The following NRXN3 variants were observed in gnomAD, a reference collection of about 807,000 sequenced individuals.
The protein encoded by NRXN3 is neurexin 3.
NRXN3 carries 32 observed loss-of-function variants against 137.6 expected under a neutral mutation model. That is an observed-to-expected ratio of 0.23 (90% CI 0.18 to 0.31). The LOEUF (loss-of-function observed/expected upper bound fraction) is 0.31. NRXN3 is among the 10% of genes least tolerant of loss of function. The probability of loss-of-function intolerance (pLI) is 1.00; values close to 1 mark genes in which losing one functional copy is unlikely to be tolerated. For missense variants in NRXN3, 1,574 were observed against 2,062.5 expected (o/e 0.76, Z 4.59); for synonymous variants, 798 against 784.5 (o/e 1.02, Z -0.29).
At chr14:78,541,224 C>T (rs2096586480) in intron 4 of NRXN3, among the ~76,000 whole-genome samples, 1 of 152,190 alleles carries the variant, frequency 6.6e-6, no homozygotes, top group South Asian at 2.1e-4. Flanking sequence ...AACATGGTTC[C>T]ATTCTCCCCA....
intron 4 of NRXN3, among the ~76,000 whole-genome samples, chr14:78,570,096 T>G (rs2096875902): frequency 6.6e-6 from 1 of 152,216 alleles, no homozygotes; most frequent in South Asian, 2.1e-4. Context: ...AATGGAATGT[T>G]TGTGTCTCCC....
At chr14:78,273,127 C>T (rs957069097) in intron 2 of NRXN3, among the ~76,000 whole-genome samples, 3 of 152,118 alleles carry the variant, frequency 2.0e-5, no homozygotes, top group Non-Finnish European at 4.4e-5. Flanking sequence ...ATTAATATTG[C>T]TTTTATCCCA....
intron 15 of NRXN3, among the ~76,000 whole-genome samples, chr14:79,285,851 C>T (rs913524251): frequency 3.3e-5 from 5 of 151,582 alleles, no homozygotes; most frequent in East Asian, 1.9e-4. Flanking sequence ...CCTCACCGTG[C>T]GCTGCCCCCC....
intron 10 of NRXN3, among the ~76,000 whole-genome samples, chr14:78,824,203 A>C (rs1348135783): frequency 6.6e-6 from 1 of 151,300 alleles, no homozygotes; most frequent in East Asian, 2.0e-4. Context: ...TGAGGCATGA[A>C]TATACTAAGG....
intron 10 of NRXN3, among the ~76,000 whole-genome samples, chr14:78,848,768 A>C (rs2099034699): frequency 6.6e-6 from 1 of 152,126 alleles, no homozygotes; most frequent in Admixed American, 6.6e-5. Flanking sequence ...GGGAGCCAGC[A>C]ATTTGTTTCT....
At chr14:79,377,624 C>T (rs1461194858) in intron 15 of NRXN3, among the ~76,000 whole-genome samples, 1 of 152,004 alleles carries the variant, frequency 6.6e-6, no homozygotes, top group African/African-American at 2.4e-5. Flanking sequence ...AGCATGGTGT[C>T]GTGCACCTGT....
chr14:78,942,012 A>T (rs1364767903), intron 10 of NRXN3, among the ~76,000 whole-genome samples: 2 of 152,170 alleles, frequency 1.3e-5, no homozygotes, highest in African/African-American at 4.8e-5. Flanking sequence ...GAACTGTGAG[A>T]TTGTGTGCTA....
intron 4 of NRXN3, among the ~76,000 whole-genome samples, chr14:78,364,088 G>A (rs1316527393): frequency 6.6e-6 from 1 of 152,208 alleles, no homozygotes; most frequent in African/African-American, 2.4e-5. Context: ...CATACTGCCT[G>A]CCAGTCACCA....
At chr14:78,385,965 A>G (rs149850569) in intron 4 of NRXN3, among the ~76,000 whole-genome samples, 77 of 152,282 alleles carry the variant, frequency 5.1e-4, no homozygotes, top group African/African-American at 1.8e-3. Flanking sequence ...GTGAGGAGCA[A>G]CTGAAGAAAA....
chr14:79,057,367 G>A lies in NRXN3; in HGVS notation c.3262+69226G>A, dbSNP rs183195640. 1.1e-3 allele frequency among the ~76,000 whole-genome samples: 166 copies of A among 152,296 alleles called. 3 individuals are homozygous for A. Among genetic ancestry groups the A allele is most frequent in the Non-Finnish European group, 2.4e-4 (16 of 68,028 alleles). ...GAAAACATTGCTTTTCTGTGTGATA[G>A]TGCTTTCTTTATAATTAATGTGGAT... is the stretch of plus-strand genomic sequence containing the variant. On this transcript the variant is annotated intron_variant, in intron 15 of 20. Coordinates refer to ENST00000335750, the MANE Select transcript of NRXN3 (RefSeq NM_001330195.2).
intron 19 of NRXN3, among the ~76,000 whole-genome samples, chr14:79,749,885 T>C (rs2098991855): frequency 6.6e-6 from 1 of 152,184 alleles, no homozygotes; most frequent in African/African-American, 2.4e-5. Context: ...GTATAGCAGA[T>C]TGACAATAAA....
chr14:78,385,323 ACACACACACACG>A (rs1158150408), intron 4 of NRXN3, among the ~76,000 whole-genome samples: 3 of 120,534 alleles, frequency 2.5e-5, no homozygotes, highest in African/African-American at 6.3e-5. Flanking sequence ...ACACACACAC[ACACACACACACG>A]CATATAAAAC....
At chr14:79,174,396 A>C (rs2062087821) in intron 15 of NRXN3, among the ~76,000 whole-genome samples, 1 of 152,064 alleles carries the variant, frequency 6.6e-6, no homozygotes, top group African/African-American at 2.4e-5. Flanking sequence ...TGAATTTAAA[A>C]GTGTGGTAAC....
intron 4 of NRXN3, among the ~76,000 whole-genome samples, chr14:78,433,342 T>C (rs2093956517): frequency 6.6e-6 from 1 of 152,202 alleles, no homozygotes; most frequent in Non-Finnish European, 1.5e-5. Flanking sequence ...GTGAAAATGC[T>C]CTGCCTTTTA....
intron 16 of NRXN3, among the ~76,000 whole-genome samples, chr14:79,562,242 T>G (rs2097504680): frequency 6.6e-6 from 1 of 152,128 alleles, no homozygotes; most frequent in African/African-American, 2.4e-5. Context: ...ATTCTACTAT[T>G]CTAATAACCA....
chr14:79,853,450 T>C, intron 20 of NRXN3: 2 of 499,692 alleles, frequency 4.0e-6, no homozygotes, highest in Non-Finnish European at 6.1e-6. Context: ...TGTGTGAGAT[T>C]GTCAGTGTTA....
chr14:78,549,367 C>CTTGA (rs1318596260), intron 4 of NRXN3, among the ~76,000 whole-genome samples: 2 of 152,284 alleles, frequency 1.3e-5, no homozygotes, highest in South Asian at 2.1e-4. Flanking sequence ...TCTTTGTTCA[C>CTTGA]TTGATTACTC....
At chr14:78,504,368 C>G (rs1387263626) in intron 4 of NRXN3, among the ~76,000 whole-genome samples, 5 of 152,156 alleles carry the variant, frequency 3.3e-5, no homozygotes, top group African/African-American at 9.7e-5. Flanking sequence ...TGTGACTAGC[C>G]CTAGCTGAGT....
chr14:79,280,732 G>A, intron 15 of NRXN3: 1 of 596,662 alleles, frequency 1.7e-6, no homozygotes, highest in South Asian at 2.1e-5. Flanking sequence ...CCTAGCCTCC[G>A]ACAACCATCT....
Sources: gnomAD v4.1 joint callset for allele counts (sites outside exome capture counted in the v4.1 genomes callset) on GRCh38, gnomAD v4.1.1 for gene constraint, MANE v1.5 for transcripts, NCBI Gene and HGNC (gene_info 2026-07-23, HGNC 2026-07-21) for gene names.